Variants in PCDH15 observed in about 807,000 individuals in gnomAD.
PCDH15 encodes the protein protocadherin related 15, also known as protocadherin-15.
PCDH15 carries 129 observed loss-of-function variants against 178.5 expected under a neutral mutation model. The ratio of observed to expected loss-of-function variants is 0.72; its 90% CI spans 0.63 to 0.84. The LOEUF (loss-of-function observed/expected upper bound fraction) is 0.84. PCDH15 is among the 40% of genes least tolerant of loss of function. PCDH15 has a pLI of 0.00. For missense variants in PCDH15, 2,230 were observed against 2,099.9 expected (o/e 1.06, Z -1.21); for synonymous variants, 800 against 732.0 (o/e 1.09, Z -1.50).
intron 3 of PCDH15, among the ~76,000 whole-genome samples, chr10:54,885,410 A>G (rs564037229): frequency 6.6e-6 from 1 of 152,234 alleles, no homozygotes; most frequent in Non-Finnish European, 1.5e-5. Context: ...TAGCATTAAA[A>G]GACTATAACT....
At chr10:54,634,257 A>G (rs1364921772) in intron 2 of PCDH15, among the ~76,000 whole-genome samples, 1 of 152,120 alleles carries the variant, frequency 6.6e-6, no homozygotes, top group Non-Finnish European at 1.5e-5. Context: ...TTTCAAGAGG[A>G]TGAAACTTTT....
At chr10:54,375,532 A>C (rs937075262) in intron 4 of PCDH15, among the ~76,000 whole-genome samples, 3 of 151,970 alleles carry the variant, frequency 2.0e-5, no homozygotes, top group African/African-American at 7.2e-5. Context: ...ATTTGAAGGC[A>C]TTGTTGTGTC....
intron 2 of PCDH15, among the ~76,000 whole-genome samples, chr10:55,087,464 G>A (rs979736911): frequency 2.0e-5 from 3 of 152,200 alleles, no homozygotes; most frequent in Non-Finnish European, 4.4e-5. Context: ...GTTGACAGGT[G>A]CTATTTTTGG....
intron 2 of PCDH15, among the ~76,000 whole-genome samples, chr10:55,572,038 T>C (rs1842415762): frequency 1.3e-5 from 2 of 152,054 alleles, no homozygotes; most frequent in African/African-American, 4.8e-5. Context: ...TTTTATGAAG[T>C]TGTAAAATAT....
At chr10:54,393,116 C>T (rs923292790) in intron 3 of PCDH15, among the ~76,000 whole-genome samples, 3 of 152,066 alleles carry the variant, frequency 2.0e-5, no homozygotes, top group Non-Finnish European at 4.4e-5. Context: ...AATCTCTATG[C>T]TTAAAAAATC....
intron 2 of PCDH15, among the ~76,000 whole-genome samples, chr10:55,499,404 TACACACACAC>T (rs200878607): frequency 0.043 from 5,926 of 136,344 alleles, 330 homozygotes; most frequent in East Asian, 0.29. Flanking sequence ...AGACTCTCCC[TACACACACAC>T]ACACACACAC....
intron 2 of PCDH15, among the ~76,000 whole-genome samples, chr10:55,575,956 G>A (rs866504980): frequency 6.6e-6 from 1 of 151,952 alleles, no homozygotes; most frequent in African/African-American, 2.4e-5. Flanking sequence ...TCTAGAATGG[G>A]GCATCCACGT....
At chr10:54,821,274 A>G (rs558068974) in intron 3 of PCDH15, among the ~76,000 whole-genome samples, 3 of 152,176 alleles carry the variant, frequency 2.0e-5, no homozygotes, top group African/African-American at 7.2e-5. Context: ...GCTAATGTTA[A>G]ATACCTAAGT....
At chr10:54,292,252 C>A (rs539886411) in intron 8 of PCDH15, among the ~76,000 whole-genome samples, 1 of 152,168 alleles carries the variant, frequency 6.6e-6, no homozygotes, top group African/African-American at 2.4e-5. Context: ...GCAGAAAAGA[C>A]CTTCAACAAA....
intron 2 of PCDH15, among the ~76,000 whole-genome samples, chr10:54,590,230 AT>A (rs1203410659): frequency 6.6e-6 from 1 of 152,152 alleles, no homozygotes; most frequent in Admixed American, 6.6e-5. Context: ...TGCCCATACT[AT>A]AAGTAGAAAA....
chr10:54,001,154 A>G (rs2092115278), intron 20 of PCDH15, among the ~76,000 whole-genome samples: 1 of 152,210 alleles, frequency 6.6e-6, no homozygotes, highest in Non-Finnish European at 1.5e-5. Flanking sequence ...GAGGGATTTC[A>G]TCAACACCAG....
At chr10:54,503,237 G>A (rs1386844669) in intron 3 of PCDH15, among the ~76,000 whole-genome samples, 1 of 108,408 alleles carries the variant, frequency 9.2e-6, no homozygotes, top group East Asian at 2.7e-4. Context: ...GTGTGTGTGT[G>A]TGTGTGTGTG....
chr10:55,156,630 T>A (rs889383658), intron 2 of PCDH15, among the ~76,000 whole-genome samples: 1 of 152,154 alleles, frequency 6.6e-6, no homozygotes, highest in Admixed American at 6.6e-5. Flanking sequence ...AGAAGTAGAA[T>A]AGGTTTTACT....
At chr10:54,910,374 T>C (rs1376000520) in intron 2 of PCDH15, among the ~76,000 whole-genome samples, 1 of 152,228 alleles carries the variant, frequency 6.6e-6, no homozygotes, top group Non-Finnish European at 1.5e-5. Context: ...TAAACCGGAA[T>C]TACAAGCATA....
chr10:55,157,360 C>A (rs9731641), intron 2 of PCDH15, among the ~76,000 whole-genome samples: 1 of 141,976 alleles, frequency 7.0e-6, no homozygotes, highest in African/African-American at 2.6e-5. Flanking sequence ...GTTGGTGGGA[C>A]TGTAAACTAG....
chr10:55,159,063 T>C (rs566933611), intron 2 of PCDH15, among the ~76,000 whole-genome samples: 33 of 152,138 alleles, frequency 2.2e-4, no homozygotes, highest in African/African-American at 7.7e-4. Flanking sequence ...GGGAGGCTGA[T>C]GTCCTCAGTG....
chr10:54,729,374 G>A (rs894335272), intron 1 of PCDH15, among the ~76,000 whole-genome samples: 2 of 151,594 alleles, frequency 1.3e-5, no homozygotes, highest in African/African-American at 4.8e-5. Context: ...CTATGCAGAA[G>A]ACTGACACTG....
At chr10:53,942,435 G>A (rs983114496) in intron 23 of PCDH15, among the ~76,000 whole-genome samples, 4 of 152,154 alleles carry the variant, frequency 2.6e-5, no homozygotes, top group Admixed American at 2.6e-4. Flanking sequence ...GTCAATGGGG[G>A]CATTTTATCC....
At chr10:54,247,881 A>AATATATATAT (rs1554857291) in intron 8 of PCDH15, among the ~76,000 whole-genome samples, 5 of 148,494 alleles carry the variant, frequency 3.4e-5, no homozygotes, top group African/African-American at 1.2e-4. Flanking sequence ...AAAAAAAAGA[A>AATATATATAT]ATATGTATAT....
Sources: allele counts gnomAD v4.1 joint callset (sites outside exome capture counted in the v4.1 genomes callset), GRCh38; gene constraint gnomAD v4.1.1; transcripts MANE v1.5; gene names NCBI Gene and HGNC (gene_info 2026-07-23, HGNC 2026-07-21).